The following NR4A2 variants were observed in gnomAD, a reference collection of about 807,000 sequenced individuals.
NR4A2 encodes nuclear receptor subfamily 4 group A member 2.
NR4A2 carries 1 observed loss-of-function variant against 50.5 expected under a neutral mutation model. The ratio of observed to expected loss-of-function variants is 0.02; its 90% CI spans 0.01 to 0.09. The LOEUF (loss-of-function observed/expected upper bound fraction) is 0.09, where lower values mean the gene tolerates loss of function less well. NR4A2 is among the 10% of genes least tolerant of loss of function. The probability of loss-of-function intolerance (pLI) is 1.00; values close to 1 mark genes in which losing one functional copy is unlikely to be tolerated. For missense variants in NR4A2, 613 were observed against 777.3 expected, an observed-to-expected ratio of 0.79 and a Z score of 2.51; for synonymous variants, 328 against 309.4, an observed-to-expected ratio of 1.06 and a Z score of -0.63.
At position 156,326,471 on chromosome 2, in the gene NR4A2, G is replaced by T; in HGVS notation, c.1362-143C>A. ...AATAAAATGTAGACCAGTGGACCTT[G>T]AAAGGGTTTAATTTCATAACAATCA... On this transcript the variant is annotated intron_variant, in intron 6 of 7. Coordinates refer to ENST00000339562, the MANE Select transcript of NR4A2 (RefSeq NM_006186.4). This position sits in a 1 kb window ranked among gnomAD's most constrained non-coding sequence, Gnocchi z 4.2. 1 of 911,606 alleles carries T rather than the reference G, an allele frequency of 1.1e-6. No homozygotes were observed. Among genetic ancestry groups the T allele is most frequent in the Non-Finnish European group, 1.7e-6 (1 of 575,650 alleles). 56.5% of individuals were successfully genotyped at this position (911,606 alleles called of 1,614,324 possible).
At position 156,328,616 on chromosome 2, in the gene NR4A2, C is replaced by T. The variant is rs1476505568; in HGVS notation, c.865-83G>A. On this transcript the variant is annotated intron_variant, in intron 3 of 7. Coordinates refer to ENST00000339562, the MANE Select transcript of NR4A2 (RefSeq NM_006186.4). This position sits in a 1 kb window ranked among gnomAD's most constrained non-coding sequence, Gnocchi z 4.9. Reference sequence around the variant, plus strand: ...CTCGGAGAAAATTTCTGTTATGTGACTGGGGTCTACGATTCCTCCCCACAA... The same window carrying T: ...CTCGGAGAAAATTTCTGTTATGTGATTGGGGTCTACGATTCCTCCCCACAA... 14 of 1,549,464 alleles carry T rather than the reference C, an allele frequency of 9.0e-6. No homozygotes were observed. In the Admixed American group the frequency reaches 2.4e-4, roughly 26 times the overall value.
Position 156,329,565 on chromosome 2 carries a change from C to G in NR4A2, c.622G>C (p.Gly208Arg). The G allele has an allele frequency of 6.2e-7, 1 of 1,602,242 alleles. No individual in the cohort carries two copies. Among genetic ancestry groups the G allele is most frequent in the South Asian group, 1.1e-5 (1 of 90,520 alleles). The change falls in exon 3 of 8, where the codon GGC becomes CGC. Residue 208 changes from glycine to arginine, a missense_variant. By Grantham distance (125) the Gly-to-Arg change is moderately radical. Coordinates refer to ENST00000339562, the MANE Select transcript of NR4A2 (RefSeq NM_006186.4). This position sits in a 1 kb window ranked among gnomAD's most constrained non-coding sequence, Gnocchi z 7.5. ...TGCCCGTCCACCACGTGGTGGCTGC[C>G]GGCGGGCTCCGGGTTCATGGGGACG... is the stretch of plus-strand genomic sequence containing the variant. The part of the protein sequence containing the change: ...LHVPMNPEPA[G>R]SHHVVDGQTF...
Position 156,330,114 on chromosome 2 carries a change from G to A in NR4A2, c.73C>T (p.His25Tyr), listed in dbSNP as rs1408185625. The stretch of plus-strand genomic sequence containing the variant: ...TCGGAGCTGTATTCTCCCGAAGAGT[G>A]GTAACTGTAGCTCTGAGAAGCGGGG... ...ASPASQSYSYHSSGEYSSDFL... is the reference protein window; with the variant it reads ...ASPASQSYSYYSSGEYSSDFL... Residue 25 changes from histidine (H) to tyrosine (Y), a missense_variant, in exon 3 of 8, where the codon CAC becomes TAC. This residue lies in a region of NR4A2 where 61 missense variants were observed against 96.4 expected (regional missense o/e 0.63). Transcript: ENST00000339562. 6.2e-7 allele frequency: 1 copy of A among 1,614,156 alleles called. No homozygotes were observed. The highest frequency in any genetic ancestry group is 2.2e-5 in the East Asian group (1 of 44,884).
chr2:156,330,758 A>G lies in NR4A2; in HGVS notation c.-93T>C. The G allele has an allele frequency of 1.6e-6, 2 of 1,256,830 alleles. No homozygotes were observed. 77.9% of individuals were successfully genotyped at this position (1,256,830 alleles called of 1,614,324 possible). A position where few individuals can be genotyped will look rare whatever the true frequency, so the allele number is the denominator to read the frequency against. Reference sequence around the variant, plus strand: ...ACAAAGTTTCCAAGATTTTTAGAAAAGCAATGGGGAGTCCAGCCTGTCCAA... The same window carrying G: ...ACAAAGTTTCCAAGATTTTTAGAAAGGCAATGGGGAGTCCAGCCTGTCCAA... On this transcript the variant is annotated 5_prime_UTR_variant, in exon 2 of 8. Coordinates refer to ENST00000339562, the MANE Select transcript of NR4A2 (RefSeq NM_006186.4).
chr2:156,324,450 T>C lies in NR4A2; in HGVS notation c.*1294A>G, dbSNP rs1686552428. 1 of 152,320 alleles carries C rather than the reference T, an allele frequency of 6.6e-6. No homozygotes were observed. The highest frequency in any genetic ancestry group is 6.5e-5 in the Admixed American group (1 of 15,286). The allele number at this position is 152,320 out of a possible 1,614,324, so 9.4% of individuals were successfully genotyped here. A position where few individuals can be genotyped will look rare whatever the true frequency, so the allele number is the denominator to read the frequency against. ...GACAAAATTCTGTTCATTTACATGG[T>C]TTATTGTTGTAAACATTAAAATTGT... is the stretch of plus-strand genomic sequence containing the variant. On this transcript the variant is annotated 3_prime_UTR_variant, in exon 8 of 8. Transcript: ENST00000339562.
chr2:156,326,121 G>T lies in NR4A2; in HGVS notation c.1540+29C>A. On this transcript the variant is annotated intron_variant, in intron 7 of 7. Coordinates refer to ENST00000339562, the MANE Select transcript of NR4A2 (RefSeq NM_006186.4). The surrounding 1 kb of genome is among the most constrained non-coding windows in gnomAD (Gnocchi z 4.2). ...CAAATCCTGCTAGGCAGTTCTGGAG[G>T]GGAAGCGCCCTGCGCCTGCAGTACT... is the stretch of plus-strand genomic sequence containing the variant. The T allele has an allele frequency of 1.2e-6, 2 of 1,614,016 alleles. No individual in the cohort carries two copies. The highest frequency in any genetic ancestry group is 1.7e-6 in the Non-Finnish European group (2 of 1,179,906).
intron 2 of NR4A2, among the ~76,000 whole-genome samples, 179 bp downstream of exon 2, chr2:156,330,489 G>A (rs569737445): frequency 6.6e-6 from 1 of 152,284 alleles, no homozygotes; most frequent in Admixed American, 6.5e-5. Context: ...CTGAAGCTCA[G>A]ATTCAGCAGT....
At position 156,332,551 on chromosome 2, in the gene NR4A2, G is replaced by A. The variant is rs936380941; in HGVS notation, c.-198C>T. 7.8e-6 allele frequency: 10 copies of A among 1,282,806 alleles called. No individual in the cohort carries two copies. The highest frequency in any genetic ancestry group is 2.3e-4 in the Middle Eastern group (1 of 4,334). 79.5% of individuals were successfully genotyped at this position (1,282,806 alleles called of 1,614,324 possible). ...TGCAGTTCCCTCTGGGAGCCCGGGC[G>A]CCGGGGTCGGGTAGGGGTGGGAGAG... On this transcript the variant is annotated 5_prime_UTR_variant, in exon 1 of 8. Coordinates refer to ENST00000339562, the MANE Select transcript of NR4A2 (RefSeq NM_006186.4).
Position 156,329,768 on chromosome 2 carries a change from C to G in NR4A2, c.419G>C (p.Ser140Thr), listed in dbSNP as rs750802450. Reference protein sequence around the residue: ...PTTPGFQVQHSPMWDDPGSLH... With the variant: ...PTTPGFQVQHTPMWDDPGSLH... ...AGATCCCGGGTCGTCCCACATGGGGCTGTGCTGCACCTGGAAGCCCGGGGT... is the reference window on the plus strand; with the variant it reads ...AGATCCCGGGTCGTCCCACATGGGGGTGTGCTGCACCTGGAAGCCCGGGGT... The change falls in exon 3 of 8, where the codon AGC (serine) becomes ACC (threonine). Residue 140 changes from serine to threonine, a missense_variant. Ser to Thr is a moderately conservative substitution (Grantham distance 58). Coordinates refer to ENST00000339562, the MANE Select transcript of NR4A2 (RefSeq NM_006186.4). The surrounding 1 kb of genome is among the most constrained non-coding windows in gnomAD (Gnocchi z 7.5). 1 of 1,613,386 alleles carries G rather than the reference C, an allele frequency of 6.2e-7. No individual in the cohort carries two copies. The highest frequency in any genetic ancestry group is 1.7e-5 in the Admixed American group (1 of 60,004).
At chr2:156,327,762 T>A (rs1204792548) in intron 5 of NR4A2, 89 bp downstream of exon 5, 1 of 1,497,540 alleles carries the variant, frequency 6.7e-7, no homozygotes, top group Non-Finnish European at 9.1e-7. Context: ...TTTACCCCCG[T>A]TGAATCTGAG....
chr2:156,329,836 G>C lies in NR4A2; in HGVS notation c.351C>G (p.Ser117=). Residue 117 remains serine, a synonymous_variant, in exon 3 of 8, where the codon TCC becomes TCG. Transcript: ENST00000339562. This position sits in a 1 kb window ranked among gnomAD's most constrained non-coding sequence, Gnocchi z 7.5. ...AGGAGGGCTTGTAGTAAACCGACCCGGAGTGCGGCATCATCTCCTCAGACT... is the reference window on the plus strand; with the variant it reads ...AGGAGGGCTTGTAGTAAACCGACCCCGAGTGCGGCATCATCTCCTCAGACT... The part of the protein sequence containing the change: ...PPQSEEMMPH[S]GSVYYKPSSP... 1 of 1,614,188 alleles carries C rather than the reference G, an allele frequency of 6.2e-7. No individual in the cohort carries two copies. The highest frequency in any genetic ancestry group is 1.3e-5 in the African/African-American group (1 of 75,056).
intron 5 of NR4A2, among the ~76,000 whole-genome samples, chr2:156,327,365 C>T (rs150849234): frequency 1.7e-3 from 259 of 152,318 alleles, no homozygotes; most frequent in African/African-American, 5.8e-3. Flanking sequence ...CTTGATCCCC[C>T]ACCCCACTGG....
In NR4A2 at chr2:156,326,121, G is replaced by A. The variant is rs200319191; in HGVS notation, c.1540+29C>T. On this transcript the variant is annotated intron_variant, in intron 7 of 7. Transcript: ENST00000339562. The surrounding 1 kb of genome is among the most constrained non-coding windows in gnomAD (Gnocchi z 4.2). ...CAAATCCTGCTAGGCAGTTCTGGAGGGGAAGCGCCCTGCGCCTGCAGTACT... is the reference window on the plus strand; with the variant it reads ...CAAATCCTGCTAGGCAGTTCTGGAGAGGAAGCGCCCTGCGCCTGCAGTACT... 127 of 1,614,014 alleles carry A rather than the reference G, an allele frequency of 7.9e-5. No homozygotes were observed. The highest frequency in any genetic ancestry group is 3.7e-4 in the Admixed American group (22 of 60,008).
chr2:156,329,929 C>A lies in NR4A2; in HGVS notation c.258G>T (p.Gln86His). 6.2e-7 allele frequency: 1 copy of A among 1,614,184 alleles called. No homozygotes were observed. Among genetic ancestry groups the A allele is most frequent in the Non-Finnish European group, 8.5e-7 (1 of 1,180,040 alleles). The part of the protein sequence containing the change: ...PCLYQMPLSG[Q>H]QSSIKVEDIQ... Reference sequence around the variant, plus strand: ...TGTCTTCTACCTTAATGGAGGACTGCTGTCCGGACAGGGGCATTTGGTACA... The same window carrying A: ...TGTCTTCTACCTTAATGGAGGACTGATGTCCGGACAGGGGCATTTGGTACA... Residue 86 changes from glutamine to histidine, a missense_variant, in exon 3 of 8, where the codon CAG (glutamine) becomes CAT (histidine). This residue lies in a region of NR4A2 where 275 missense variants were observed against 248.9 expected (regional missense o/e 1.10). Transcript: ENST00000339562. The surrounding 1 kb of genome is among the most constrained non-coding windows in gnomAD (Gnocchi z 7.5).
At chr2:156,327,411 C>G (rs1446829156) in intron 5 of NR4A2, among the ~76,000 whole-genome samples, 1 of 152,194 alleles carries the variant, frequency 6.6e-6, no homozygotes, top group Non-Finnish European at 1.5e-5. Context: ...TCCCTGACCC[C>G]CAGACAGGCC....
At chr2:156,331,614 A>G (rs989011003) in intron 1 of NR4A2, among the ~76,000 whole-genome samples, 6 of 152,238 alleles carry the variant, frequency 3.9e-5, no homozygotes, top group Non-Finnish European at 8.8e-5. Context: ...TTCTGGAACA[A>G]GGCATTCTTG....
intron 1 of NR4A2, chr2:156,331,660 A>G (rs937250889): frequency 6.6e-6 from 1 of 152,264 alleles, no homozygotes; most frequent in African/African-American, 2.4e-5. Flanking sequence ...CACTTGGAAG[A>G]CATTCTAGAG....
chr2:156,328,552 T>C lies in NR4A2; in HGVS notation c.865-19A>G, dbSNP rs369518364. 1.2e-6 allele frequency: 2 copies of C among 1,614,066 alleles called. No individual in the cohort carries two copies. Among genetic ancestry groups the C allele is most frequent in the African/African-American group, 1.3e-5 (1 of 74,934 alleles). ...CTGTGCGCTGCAAAAGGAGACAATA[T>C]AGACCAACATTTTTTTTCTTCTTTT... On this transcript the variant is annotated intron_variant, in intron 3 of 7. Transcript: ENST00000339562. This position sits in a 1 kb window ranked among gnomAD's most constrained non-coding sequence, Gnocchi z 4.9.
chr2:156,329,529 C>G lies in NR4A2; in HGVS notation c.658G>C (p.Val220Leu). Residue 220 changes from valine (V) to leucine (L), a missense_variant, in exon 3 of 8, where the codon GTG becomes CTG. Physicochemically the swap from Val to Leu is conservative, Grantham distance 32 (BLOSUM62 1). Around this residue, in one of 4 missense-constraint regions of NR4A2, gnomAD observed 275 missense variants for 248.9 expected, o/e 1.10. Coordinates refer to ENST00000339562, the MANE Select transcript of NR4A2 (RefSeq NM_006186.4). This position sits in a 1 kb window ranked among gnomAD's most constrained non-coding sequence, Gnocchi z 7.5. ...HHVVDGQTFA[V>L]PNPIRKPASM... ...GCGGGCTTGCGAATGGGGTTGGGCA[C>G]AGCGAAGGTCTGCCCGTCCACCACG... The G allele has an allele frequency of 1.2e-6, 2 of 1,605,096 alleles. No individual in the cohort carries two copies. Among genetic ancestry groups the G allele is most frequent in the Non-Finnish European group, 1.7e-6 (2 of 1,175,774 alleles).
Sources: allele counts gnomAD v4.1 joint callset (sites outside exome capture counted in the v4.1 genomes callset), GRCh38; gene constraint gnomAD v4.1.1; regional missense constraint gnomAD v4.1.1; non-coding constraint Gnocchi (gnomAD v3.1); transcripts MANE v1.5; gene names NCBI Gene and HGNC (gene_info 2026-07-23, HGNC 2026-07-21).